CD109: variants seen among roughly 807,000 people sequenced by gnomAD.
CD109 encodes CD109 antigen.
Under a neutral mutation model 165.8 loss-of-function variants are expected in CD109, and 149 were observed. The ratio of observed to expected loss-of-function variants is 0.90; its 90% CI spans 0.79 to 1.03. CD109 has a LOEUF of 1.03. Among genes scored for constraint, CD109 ranks in the 50% least tolerant of loss-of-function variants. The pLI, the probability that CD109 is intolerant of heterozygous loss-of-function variation, is 0.00. For synonymous variants in CD109, 585 were observed against 592.1 expected, an observed-to-expected ratio of 0.99 and a Z score of 0.18; for missense variants, 1,712 against 1,677.8, an observed-to-expected ratio of 1.02 and a Z score of -0.36.
At chr6:73,770,696 C>T (rs55878103) in intron 14 of CD109, among the ~76,000 whole-genome samples, 16,621 of 152,054 alleles carry the variant, frequency 0.11, 1,172 homozygotes, top group Non-Finnish European at 0.16. Context: ...TGCAGTGAGC[C>T]GAGATTGTGC....
intron 15 of CD109, among the ~76,000 whole-genome samples, chr6:73,777,512 C>T (rs1024057513): frequency 2.6e-5 from 4 of 152,052 alleles, no homozygotes; most frequent in Admixed American, 6.5e-5. Context: ...AATGGTATTG[C>T]CTAGGTTGTC....
In CD109 at chr6:73,823,541, T is replaced by G; in HGVS notation, c.4246T>G (p.Cys1416Gly). Residue 1416 changes from cysteine to glycine, a missense_variant, in exon 33 of 33, where the codon TGT becomes GGT. Cys to Gly is a radical substitution (Grantham distance 159). Transcript: ENST00000287097. The stretch of plus-strand genomic sequence containing the variant: ...CAGTGATGTCCAGGGCTGCCGTCCT[T>G]GTGAGGATGGAGCTTCAGGCTCCCA... The part of the protein sequence containing the change: ...LCSDVQGCRP[C>G]EDGASGSHHH... 6.2e-7 allele frequency: 1 copy of G among 1,614,028 alleles called. No individual in the cohort carries two copies.
intron 31 of CD109, among the ~76,000 whole-genome samples, chr6:73,820,115 A>G (rs903339871): frequency 1.3e-5 from 2 of 152,088 alleles, no homozygotes; most frequent in African/African-American, 4.8e-5. Context: ...GATTCCCAGG[A>G]GAAGGAGGCT....
At chr6:73,696,343 G>T in intron 1 of CD109, 54 bp downstream of exon 1, 1 of 1,342,032 alleles carries the variant, frequency 7.5e-7, no homozygotes, top group South Asian at 1.7e-5. Flanking sequence ...GGGCCGCTCT[G>T]CGGCTCTGGG....
At chr6:73,818,775 G>T (rs3005509) in intron 31 of CD109, among the ~76,000 whole-genome samples, 88,988 of 151,978 alleles carry the variant, frequency 0.59, 26,881 homozygotes, top group African/African-American at 0.74. Context: ...AAATCTTTAT[G>T]TCATGCCAGA....
At chr6:73,695,868 C>T (rs868658391), upstream of CD109, 8 of 344,394 alleles carry the variant, frequency 2.3e-5, no homozygotes, top group African/African-American at 1.8e-4. Flanking sequence ...TGTAAACAGC[C>T]TGAGGAACCC....
At chr6:73,691,149 C>A (rs1388546018), upstream of CD109, among the ~76,000 whole-genome samples, 1 of 152,148 alleles carries the variant, frequency 6.6e-6, no homozygotes, top group Non-Finnish European at 1.5e-5. Context: ...AAAGAAGGAG[C>A]CAAGGTTTTC....
chr6:73,814,965 A>G lies in CD109; in HGVS notation c.3769-16A>G, dbSNP rs1775883797. 2.0e-6 allele frequency: 3 copies of G among 1,468,816 alleles called. No homozygotes were observed. The highest frequency in any genetic ancestry group is 2.7e-6 in the Non-Finnish European group (3 of 1,115,994). 91.0% of individuals were successfully genotyped at this position (1,468,816 alleles called of 1,614,324 possible). On this transcript the variant is annotated splice_polypyrimidine_tract_variant and intron_variant, in intron 29 of 32. Transcript: ENST00000287097. ...TTATGTCCAACTTGTTATTTATGCT[A>G]GTTTATTTTTTACAGCTCAATGTTG... is the stretch of plus-strand genomic sequence containing the variant.
intron 24 of CD109, among the ~76,000 whole-genome samples, chr6:73,804,882 A>C (rs2150291056): frequency 6.6e-6 from 1 of 152,348 alleles, no homozygotes; most frequent in East Asian, 1.9e-4. Flanking sequence ...AGCTGGATTC[A>C]ACAGACACAT....
In CD109 at chr6:73,823,518, G is replaced by A; in HGVS notation, c.4223G>A (p.Ser1408Asn). 2 of 1,614,050 alleles carry A rather than the reference G, an allele frequency of 1.2e-6. No homozygotes were observed. The highest frequency in any genetic ancestry group is 1.3e-5 in the African/African-American group (1 of 75,056). ...AAGCTGTCCTCCTGTGACCTTTGCA[G>A]TGATGTCCAGGGCTGCCGTCCTTGT... ...EVKLSSCDLC[S>N]DVQGCRPCED... is the part of the protein sequence containing the mutation. The change falls in exon 33 of 33, where the codon AGT (serine) becomes AAT (asparagine). Residue 1408 changes from serine to asparagine, a missense_variant. Transcript: ENST00000287097.
chr6:73,697,623 T>G, intron 2 of CD109, 51 bp downstream of exon 2: 1 of 1,527,710 alleles, frequency 6.5e-7, no homozygotes, highest in Non-Finnish European at 9.0e-7. Context: ...AACTGGAATA[T>G]GTTAATAAGG....
chr6:73,741,077 T>G (rs1190878907), intron 5 of CD109, among the ~76,000 whole-genome samples: 1 of 152,106 alleles, frequency 6.6e-6, no homozygotes, highest in Non-Finnish European at 1.5e-5. Flanking sequence ...TGGGACATCA[T>G]AAGTTCTCAA....
intron 24 of CD109, among the ~76,000 whole-genome samples, chr6:73,806,449 C>T (rs1289746682): frequency 1.3e-5 from 2 of 152,172 alleles, no homozygotes; most frequent in Non-Finnish European, 2.9e-5. Context: ...CAACATGGCA[C>T]ATGTACACAT....
chr6:73,685,059 G>T, the CD109 span, among the ~76,000 whole-genome samples: 3 of 151,644 alleles, frequency 2.0e-5, no homozygotes, highest in Non-Finnish European at 4.4e-5. Flanking sequence ...TGGGACTACA[G>T]GCACAGCTAA....
chr6:73,800,927 G>A (rs1279225203), intron 23 of CD109, among the ~76,000 whole-genome samples: 2 of 151,896 alleles, frequency 1.3e-5, no homozygotes, highest in Non-Finnish European at 2.9e-5. Flanking sequence ...GTTAAGCCTT[G>A]CTTATAGTGT....
chr6:73,792,702 G>T lies in CD109; in HGVS notation c.2778G>T (p.Met926Ile). ...CTTATGGCTGTGGTGAACAGAACAT[G>T]ATAAATTTTGCTCCAAATATTTACA... ...RMPYGCGEQN[M>I]INFAPNIYIL... is the part of the protein sequence containing the mutation. The change falls in exon 23 of 33, where the codon ATG becomes ATT. Residue 926 changes from methionine to isoleucine, a missense_variant. Transcript: ENST00000287097. The T allele has an allele frequency of 1.2e-6, 2 of 1,613,064 alleles. No individual in the cohort carries two copies.
intron 2 of CD109, among the ~76,000 whole-genome samples, chr6:73,700,794 T>G (rs907910962): frequency 5.0e-5 from 6 of 119,070 alleles, no homozygotes; most frequent in Admixed American, 3.2e-4. Flanking sequence ...ATTGTAGTTT[T>G]TTTTTTTTTT....
intron 5 of CD109, among the ~76,000 whole-genome samples, chr6:73,751,123 A>T (rs920058684): frequency 6.6e-6 from 1 of 152,190 alleles, no homozygotes; most frequent in East Asian, 1.9e-4. Context: ...GGGTAACAAA[A>T]TTCTCATCTG....
chr6:73,798,138 G>C (rs1163898289), intron 23 of CD109, among the ~76,000 whole-genome samples: 2 of 143,734 alleles, frequency 1.4e-5, no homozygotes, highest in African/African-American at 2.6e-5. Context: ...TTTTTGTGAT[G>C]GAGTCTTGCT....
Sources: allele counts gnomAD v4.1 joint callset (sites outside exome capture counted in the v4.1 genomes callset), GRCh38; gene constraint gnomAD v4.1.1; transcripts MANE v1.5; gene names NCBI Gene and HGNC (gene_info 2026-07-23, HGNC 2026-07-21).